Variants in CNTN5 observed in about 807,000 individuals in gnomAD.
CNTN5 encodes the protein contactin 5.
A neutral mutation model predicts 129.1 loss-of-function variants in CNTN5; 77 were observed. The ratio of observed to expected loss-of-function variants is 0.60; its 90% CI spans 0.50 to 0.72. The LOEUF (loss-of-function observed/expected upper bound fraction) is 0.72, where lower values mean the gene tolerates loss of function less well. Ranked by LOEUF, CNTN5 falls within the 30% of genes least tolerant of loss-of-function variation. The pLI is 0.00. For missense variants in CNTN5, 1,478 were observed against 1,328.8 expected (o/e 1.11, Z -1.75); for synonymous variants, 509 against 465.6 (o/e 1.09, Z -1.20).
At chr11:99,903,296 G>A (rs879632792) in intron 6 of CNTN5, among the ~76,000 whole-genome samples, 3 of 151,384 alleles carry the variant, frequency 2.0e-5, no homozygotes, top group Non-Finnish European at 2.9e-5. Context: ...CTTTGGTTAT[G>A]GTATAACCAT....
intron 3 of CNTN5, among the ~76,000 whole-genome samples, chr11:99,678,461 C>T (rs1000362497): frequency 6.6e-6 from 1 of 152,076 alleles, no homozygotes; most frequent in African/African-American, 2.4e-5. Flanking sequence ...TTATTTTCCC[C>T]AGACATCCAG....
chr11:99,588,180 A>G (rs766508698), intron 3 of CNTN5, among the ~76,000 whole-genome samples: 7 of 152,078 alleles, frequency 4.6e-5, no homozygotes, highest in Non-Finnish European at 4.4e-5. Flanking sequence ...CGTCTCTACT[A>G]AAACACACAA....
chr11:99,981,633 A>G (rs1480445736), intron 8 of CNTN5, among the ~76,000 whole-genome samples: 2 of 152,136 alleles, frequency 1.3e-5, no homozygotes, highest in Admixed American at 1.3e-4. Flanking sequence ...ATTAACCATC[A>G]CACTCTCCAA....
At chr11:99,266,969 G>T (rs1565449549) in intron 1 of CNTN5, among the ~76,000 whole-genome samples, 1 of 151,990 alleles carries the variant, frequency 6.6e-6, no homozygotes. Context: ...AGATTTAAAA[G>T]TTTTGAATTT....
intron 18 of CNTN5, among the ~76,000 whole-genome samples, chr11:100,282,269 C>T (rs993767860): frequency 4.6e-5 from 7 of 152,120 alleles, no homozygotes; most frequent in African/African-American, 1.4e-4. Flanking sequence ...AAAGGACTTG[C>T]GTATTGTTAT....
At chr11:99,099,509 A>T (rs1250882227) in intron 1 of CNTN5, among the ~76,000 whole-genome samples, 1 of 151,500 alleles carries the variant, frequency 6.6e-6, no homozygotes, top group African/African-American at 2.4e-5. Context: ...ACACTGTGTC[A>T]CCCCAGGAAC....
intron 1 of CNTN5, among the ~76,000 whole-genome samples, chr11:99,273,072 T>C (rs1412328702): frequency 6.6e-6 from 1 of 151,776 alleles, no homozygotes; most frequent in African/African-American, 2.4e-5. Flanking sequence ...TGTCCTTGGC[T>C]TTACAGCTTA....
At chr11:99,122,520 T>A (rs1160071702) in intron 1 of CNTN5, among the ~76,000 whole-genome samples, 1 of 151,934 alleles carries the variant, frequency 6.6e-6, no homozygotes, top group Non-Finnish European at 1.5e-5. Context: ...TTAATTTTTT[T>A]ATATAGCAGC....
In CNTN5 at chr11:99,438,218, A is replaced by T. The variant is rs556401901; in HGVS notation, c.-71+112734A>T. On this transcript the variant is annotated intron_variant, in intron 2 of 24. Coordinates refer to ENST00000524871, the MANE Select transcript of CNTN5 (RefSeq NM_014361.4). ...TTAATAAAGCATGATGAAAGTGCCA[A>T]ATCATAATTTATTTACATGCATATT... 9.8e-5 allele frequency among the ~76,000 whole-genome samples: 15 copies of T among 152,302 alleles called. No individual in the cohort carries two copies. In the South Asian group the frequency reaches 3.1e-3, roughly 32 times the overall value.
chr11:100,035,649 T>C (rs1591096854), intron 9 of CNTN5, among the ~76,000 whole-genome samples: 2 of 144,502 alleles, frequency 1.4e-5, no homozygotes, highest in East Asian at 4.0e-4. Context: ...CCTGACTTTT[T>C]AATGATCGCC....
chr11:99,180,915 C>T (rs907973756), intron 1 of CNTN5, among the ~76,000 whole-genome samples: 9 of 152,176 alleles, frequency 5.9e-5, no homozygotes, highest in African/African-American at 1.9e-4. Flanking sequence ...CCTTGGGCTG[C>T]GGTACGCATA....
At chr11:99,421,195 T>C (rs1942873563) in intron 2 of CNTN5, among the ~76,000 whole-genome samples, 2 of 151,674 alleles carry the variant, frequency 1.3e-5, no homozygotes, top group Admixed American at 1.3e-4. Context: ...TGCTAGACAC[T>C]GCTATAAGCT....
chr11:100,331,048 T>C (rs1400791434), intron 21 of CNTN5, among the ~76,000 whole-genome samples: 2 of 152,078 alleles, frequency 1.3e-5, no homozygotes, highest in South Asian at 2.1e-4. Flanking sequence ...GCAGAATAGA[T>C]AAAAATTCAC....
chr11:99,157,053 T>A (rs1860371203), intron 1 of CNTN5, among the ~76,000 whole-genome samples: 1 of 151,984 alleles, frequency 6.6e-6, no homozygotes, highest in African/African-American at 2.4e-5. Context: ...GCATGATTTT[T>A]TAAAGATTGA....
At chr11:99,327,310 T>C (rs1347334400) in intron 2 of CNTN5, among the ~76,000 whole-genome samples, 1 of 152,170 alleles carries the variant, frequency 6.6e-6, no homozygotes, top group African/African-American at 2.4e-5. Context: ...GGAAATAGAA[T>C]AGAGTAAATG....
intron 13 of CNTN5, among the ~76,000 whole-genome samples, chr11:100,108,918 A>T (rs1270474826): frequency 1.3e-5 from 2 of 152,062 alleles, no homozygotes; most frequent in Admixed American, 1.3e-4. Flanking sequence ...TTTCTTGCAT[A>T]AAATTATCGT....
chr11:99,819,528 A>G lies in CNTN5; in HGVS notation c.56-16A>G, dbSNP rs369959040. 57 of 1,581,816 alleles carry G rather than the reference A, an allele frequency of 3.6e-5. No homozygotes were observed. In the African/African-American group the frequency reaches 6.5e-4, roughly 18 times the overall value. On this transcript the variant is annotated splice_polypyrimidine_tract_variant and intron_variant, in intron 3 of 24. Coordinates refer to ENST00000524871, the MANE Select transcript of CNTN5 (RefSeq NM_014361.4). Reference sequence around the variant, plus strand: ...TTCCTCAAAATTCAGATTTTATTATATTTTTTCTCTTACAGAGTATTCAAA... The same window carrying G: ...TTCCTCAAAATTCAGATTTTATTATGTTTTTTCTCTTACAGAGTATTCAAA...
At chr11:99,502,845 C>T (rs924850812) in intron 2 of CNTN5, among the ~76,000 whole-genome samples, 4 of 152,168 alleles carry the variant, frequency 2.6e-5, no homozygotes, top group Non-Finnish European at 5.9e-5. Context: ...ACTTCAAACT[C>T]ATCTGTCCTT....
chr11:100,170,260 C>A (rs949662192), intron 13 of CNTN5, among the ~76,000 whole-genome samples: 1 of 151,938 alleles, frequency 6.6e-6, no homozygotes, highest in Admixed American at 6.6e-5. Context: ...AAGCTTGTGA[C>A]AGTCTGTCTA....
Sources: allele counts gnomAD v4.1 joint callset (sites outside exome capture counted in the v4.1 genomes callset), GRCh38; gene constraint gnomAD v4.1.1; transcripts MANE v1.5; gene names NCBI Gene and HGNC (gene_info 2026-07-23, HGNC 2026-07-21).